Variants in SYTL4 observed in about 807,000 individuals in gnomAD.
SYTL4 encodes the protein synaptotagmin-like protein 4.
In SYTL4, 16 loss-of-function variants were observed where a neutral mutation model predicts 52.7. The ratio of observed to expected loss-of-function variants is 0.30; its 90% CI spans 0.21 to 0.46. SYTL4 has a LOEUF of 0.46. Ranked by LOEUF, SYTL4 falls within the 20% of genes least tolerant of loss-of-function variation. The pLI is 1.00. For synonymous variants in SYTL4, 160 were observed against 186.6 expected (o/e 0.86, Z 1.16); for missense variants, 423 against 519.9 (o/e 0.81, Z 1.81).
At chrX:100,686,828 C>T (rs370871980) in intron 14 of SYTL4, 47 bp from the exon 15 acceptor site, 1 of 1,077,322 alleles carries the variant, frequency 9.3e-7, no homozygotes, top group African/African-American at 1.8e-5. Context: ...CTTTCTCAAG[C>T]CTGCTTTTCA....
Position 100,681,293 on chromosome X carries a change from C to T in SYTL4, c.1492G>A (p.Glu498Lys), listed in dbSNP as rs751483395. The change falls in exon 17 of 20, where the codon GAG becomes AAG. Residue 498 changes from glutamate to lysine, a missense_variant. Glu to Lys is a moderately conservative substitution (Grantham distance 56, BLOSUM62 1). Coordinates refer to ENST00000372989, the MANE Select transcript of SYTL4 (RefSeq NM_001370165.1). ...ATGTATTTCAATGAAACCACCAACT[C>T]GCCTTTGTGTGATGGCAAGCCAGTC... ...SPTGLPSHKG[E>K]LVVSLKYIPA... 8 of 1,209,430 alleles carry T rather than the reference C, an allele frequency of 6.6e-6. No individual in the cohort carries two copies. Among genetic ancestry groups the T allele is most frequent in the South Asian group, 1.8e-5 (1 of 56,707 alleles).
At chrX:100,689,834 A>T in intron 12 of SYTL4, 22 bp downstream of exon 12, 1 of 1,093,021 alleles carries the variant, frequency 9.1e-7, no homozygotes, top group Non-Finnish European at 1.3e-6. Flanking sequence ...ATAGTGACCA[A>T]GTAAAATATA....
chrX:100,681,591 A>T (rs986797763), intron 16 of SYTL4, among the ~76,000 whole-genome samples: 1 of 111,880 alleles, frequency 8.9e-6, no homozygotes, highest in African/African-American at 3.2e-5. Context: ...TTGGGGGCAT[A>T]GTTACTAGAT....
At chrX:100,707,477 T>C (rs1178785597) in intron 2 of SYTL4, among the ~76,000 whole-genome samples, 1 of 111,617 alleles carries the variant, frequency 9.0e-6, no homozygotes, top group African/African-American at 3.3e-5. Context: ...GCATAGAATG[T>C]TCTCTAGAAA....
intron 16 of SYTL4, among the ~76,000 whole-genome samples, chrX:100,681,723 A>T (rs921418845): frequency 8.9e-6 from 1 of 111,975 alleles, no homozygotes; most frequent in Admixed American, 9.5e-5. Flanking sequence ...AAACGACCTA[A>T]ATGTCAATCA....
In SYTL4 at chrX:100,686,762, G is replaced by A. The variant is rs2083480854; in HGVS notation, c.1204C>T (p.Leu402=). The change falls in exon 15 of 20, where the codon CTG becomes TTG. Residue 402 remains leucine (L), a synonymous_variant. Coordinates refer to ENST00000372989, the MANE Select transcript of SYTL4 (RefSeq NM_001370165.1). ...RSNPYVKTYL[L]PDKSRQGKRK... ...TTTCCTTGGCGGGACTTGTCAGGCA[G>A]AAGGTAAGTCTTCACATATCTAGAA... is the stretch of plus-strand genomic sequence containing the variant. 8.3e-7 allele frequency: 1 copy of A among 1,210,175 alleles called. No homozygotes were observed. Among genetic ancestry groups the A allele is most frequent in the African/African-American group, 1.7e-5 (1 of 57,773 alleles).
chrX:100,685,845 G>T, intron 16 of SYTL4, 145 bp downstream of exon 16: 1 of 521,796 alleles, frequency 1.9e-6, no homozygotes, highest in Non-Finnish European at 2.9e-6. Flanking sequence ...CTCTGAAATT[G>T]CTGTCAAACT....
intron 16 of SYTL4, among the ~76,000 whole-genome samples, chrX:100,682,323 G>T (rs1166314732): frequency 9.0e-6 from 1 of 110,813 alleles, no homozygotes; most frequent in East Asian, 2.8e-4. Flanking sequence ...TCCTTTTAAT[G>T]AGAATAGTAT....
rs1404761236 is a variant in SYTL4 at position 100,689,917 on chromosome X, A to G, written c.851T>C (p.Val284Ala). ...GTCTCCCAAGGAGCCACTTTCATGT[A>G]CCACATCTTCTGGGCGAAGATCTAT... The part of the protein sequence containing the change: ...SVIDLRPEDV[V>A]HESGSLGDRS... Residue 284 changes from valine to alanine, a missense_variant, in exon 12 of 20, where the codon GTA becomes GCA. Transcript: ENST00000372989. The G allele has an allele frequency of 1.7e-5, 20 of 1,210,417 alleles. No homozygotes were observed. The highest frequency in any genetic ancestry group is 2.1e-5 in the Non-Finnish European group (19 of 894,474).
intron 8 of SYTL4, among the ~76,000 whole-genome samples, chrX:100,698,142 G>A (rs180677498): frequency 1.5e-4 from 16 of 109,825 alleles, no homozygotes; most frequent in South Asian, 4.2e-4. Context: ...TTGCTCTGTT[G>A]CCCAGGCTGG....
intron 2 of SYTL4, among the ~76,000 whole-genome samples, chrX:100,723,511 GC>G (rs1298359464): frequency 1.8e-5 from 2 of 112,213 alleles, no homozygotes; most frequent in Admixed American, 1.9e-4. Flanking sequence ...CTCCCAAAGT[GC>G]CGAGATTGCA....
At chrX:100,714,532 T>A (rs1321650857) in intron 2 of SYTL4, among the ~76,000 whole-genome samples, 1 of 110,165 alleles carries the variant, frequency 9.1e-6, no homozygotes, top group Admixed American at 9.6e-5. Flanking sequence ...GTGCGGGGAT[T>A]ACAGGCGTGA....
intron 15 of SYTL4, 102 bp from the exon 16 acceptor site, chrX:100,686,253 G>A: frequency 1.2e-6 from 1 of 810,096 alleles, no homozygotes; most frequent in Non-Finnish European, 1.7e-6. Flanking sequence ...CACTAGTCCT[G>A]AATACCAAAT....
chrX:100,723,763 C>A (rs1412325215), intron 2 of SYTL4, among the ~76,000 whole-genome samples: 1 of 109,074 alleles, frequency 9.2e-6, no homozygotes, highest in African/African-American at 3.4e-5. Flanking sequence ...AGCCCCTCCG[C>A]CCGGCAGCCG....
At chrX:100,713,365 A>G (rs1453403470) in intron 2 of SYTL4, among the ~76,000 whole-genome samples, 1 of 112,025 alleles carries the variant, frequency 8.9e-6, no homozygotes. Flanking sequence ...GAATAGCTTG[A>G]ACCAGGGAGG....
At chrX:100,680,097 T>G (rs752421018) in intron 17 of SYTL4, among the ~76,000 whole-genome samples, 2 of 112,031 alleles carry the variant, frequency 1.8e-5, no homozygotes, top group Non-Finnish European at 3.8e-5. Flanking sequence ...TAGTGAAATC[T>G]GGTTTCTGCT....
intron 2 of SYTL4, among the ~76,000 whole-genome samples, chrX:100,721,676 C>A (rs1373858698): frequency 9.0e-6 from 1 of 111,475 alleles, no homozygotes; most frequent in Admixed American, 9.5e-5. Flanking sequence ...AATGAGCCCC[C>A]CAACTAGCCC....
intron 2 of SYTL4, among the ~76,000 whole-genome samples, chrX:100,714,532 T>C (rs1321650857): frequency 9.1e-6 from 1 of 110,165 alleles, no homozygotes; most frequent in East Asian, 2.8e-4. Flanking sequence ...GTGCGGGGAT[T>C]ACAGGCGTGA....
chrX:100,713,289 C>CA (rs1349738750), intron 2 of SYTL4, among the ~76,000 whole-genome samples: 2 of 111,431 alleles, frequency 1.8e-5, no homozygotes, highest in African/African-American at 6.5e-5. Flanking sequence ...ACTAAAAATA[C>CA]AAAAAATTAC....
Sources: allele counts gnomAD v4.1 joint callset (sites outside exome capture counted in the v4.1 genomes callset), GRCh38; gene constraint gnomAD v4.1.1; transcripts MANE v1.5; gene names NCBI Gene and HGNC (gene_info 2026-07-23, HGNC 2026-07-21).